The following FSCN2 variants were observed in gnomAD, a reference collection of about 807,000 sequenced individuals.
The protein encoded by FSCN2 is fascin actin-bundling protein 2, retinal, also known as fascin-2.
FSCN2 carries 46 observed loss-of-function variants against 37.8 expected under a neutral mutation model. That is an observed-to-expected ratio of 1.22 (90% CI 0.96 to 1.56). FSCN2 has a LOEUF of 1.56. Among genes scored for constraint, FSCN2 ranks in the 40% most tolerant of loss-of-function variants. FSCN2 has a pLI of 0.00. For synonymous variants in FSCN2, 351 were observed against 309.4 expected (o/e 1.13, Z -1.41); for missense variants, 844 against 730.4 (o/e 1.16, Z -1.79).
Position 81,528,871 on chromosome 17 carries a change from A to G in FSCN2, c.340A>G (p.Thr114Ala), listed in dbSNP as rs202158770. 8.9e-4 allele frequency: 1,391 copies of G among 1,564,620 alleles called. 4 individuals are homozygous for G. Among genetic ancestry groups the G allele is most frequent in the Middle Eastern group, 3.0e-3 (17 of 5,620 alleles). ...SEPHGRFFGG[T>A]EDQLSCFATA... Reference sequence around the variant, plus strand: ...GCCGCACGGCCGCTTCTTCGGAGGCACCGAGGACCAGCTGTCCTGCTTCGC... The same window carrying G: ...GCCGCACGGCCGCTTCTTCGGAGGCGCCGAGGACCAGCTGTCCTGCTTCGC... Residue 114 changes from threonine (T) to alanine (A), a missense_variant, in exon 1 of 5, where the codon ACC becomes GCC. Transcript: ENST00000417245.
At chr17:81,516,960 G>A in the FSCN2 span, among the ~76,000 whole-genome samples, 421 of 152,270 alleles carry the variant, frequency 2.8e-3, 3 homozygotes, top group African/African-American at 0.01. Context: ...ACCACTGGAG[G>A]AGAGTCCCAG....
chr17:81,533,117 G>A (rs1337940296), intron 1 of FSCN2, among the ~76,000 whole-genome samples: 4 of 152,214 alleles, frequency 2.6e-5, no homozygotes, highest in South Asian at 2.1e-4. Flanking sequence ...ACCCCTACCC[G>A]GCCTCTGTGG....
At chr17:81,535,668 C>T (rs373809796) in intron 2 of FSCN2, among the ~76,000 whole-genome samples, 3 of 5,620 alleles carry the variant, frequency 5.3e-4, no homozygotes, top group Non-Finnish European at 1.0e-3. Flanking sequence ...CATCTCCATC[C>T]CCACCATCCC....
intron 2 of FSCN2, among the ~76,000 whole-genome samples, chr17:81,535,545 C>T (rs1347383859): frequency 8.1e-6 from 1 of 123,276 alleles, no homozygotes. Context: ...CATCACCATC[C>T]CCATCTCCAT....
At chr17:81,519,512 C>T in the FSCN2 span, among the ~76,000 whole-genome samples, 2 of 152,196 alleles carry the variant, frequency 1.3e-5, no homozygotes, top group African/African-American at 4.8e-5. Flanking sequence ...TCGTTCCCAC[C>T]TGGGCCGCCA....
At chr17:81,523,289 A>T in the FSCN2 span, among the ~76,000 whole-genome samples, 3 of 152,150 alleles carry the variant, frequency 2.0e-5, no homozygotes, top group African/African-American at 7.2e-5. Context: ...CAAGCTCTTC[A>T]TTCCAACCCT....
chr17:81,535,154 G>A lies in FSCN2; in HGVS notation c.929G>A (p.Gly310Glu), dbSNP rs1249987187. The A allele has an allele frequency of 3.3e-6, 5 of 1,533,880 alleles. No individual in the cohort carries two copies. Among genetic ancestry groups the A allele is most frequent in the East Asian group, 4.9e-5 (2 of 40,750 alleles). ...TKKCTFYSST[G>E]GYWTLVTHGG... ...AAGTGCACCTTCTATTCCAGCACTG[G>A]GGGCTACTGGACCCTGGTCACCCAT... The change falls in exon 2 of 5, where the codon GGG (glycine) becomes GAG (glutamate). Residue 310 changes from glycine (G) to glutamate (E), a missense_variant. By Grantham distance (98) the Gly-to-Glu change is moderately conservative. Transcript: ENST00000417245.
intron 1 of FSCN2, among the ~76,000 whole-genome samples, chr17:81,532,941 G>A (rs1048762950): frequency 2.0e-5 from 3 of 152,126 alleles, no homozygotes; most frequent in African/African-American, 7.2e-5. Flanking sequence ...GCAGCCACTC[G>A]CCTCCCTGCC....
chr17:81,522,749 G>T, the FSCN2 span, among the ~76,000 whole-genome samples: 1 of 152,230 alleles, frequency 6.6e-6, no homozygotes. Flanking sequence ...GTCCATGTCT[G>T]TGGTGTGCCC....
intron 1 of FSCN2, among the ~76,000 whole-genome samples, chr17:81,532,471 T>C: frequency 6.8e-6 from 1 of 147,734 alleles, no homozygotes. Flanking sequence ...GTGATGGTGG[T>C]GGTGGTGATG....
chr17:81,528,580 G>A lies in FSCN2; in HGVS notation c.49G>A (p.Val17Ile), dbSNP rs137853900. 5,390 of 1,608,570 alleles carry A rather than the reference G, an allele frequency of 3.4e-3. 13 individuals carry two copies. Among genetic ancestry groups the A allele is most frequent in the Non-Finnish European group, 4.0e-3 (4,732 of 1,177,892 alleles). The change falls in exon 1 of 5, where the codon GTC (valine) becomes ATC (isoleucine). Residue 17 changes from valine (V) to isoleucine (I), a missense_variant. Physicochemically the swap from Val to Ile is conservative, Grantham distance 29. Coordinates refer to ENST00000417245, the MANE Select transcript of FSCN2 (RefSeq NM_012418.4). The stretch of plus-strand genomic sequence containing the variant: ...GGTGCTGAAGATCCAGTTTGGCCTC[G>A]TCAACGACACTGACCGCTACCTGAC... ...HQVLKIQFGL[V>I]NDTDRYLTAE...
At chr17:81,515,416 T>C in the FSCN2 span, among the ~76,000 whole-genome samples, 1 of 152,216 alleles carries the variant, frequency 6.6e-6, no homozygotes, top group Non-Finnish European at 1.5e-5. Flanking sequence ...GGTGGGTGTG[T>C]CCTTCACATT....
At chr17:81,522,362 CT>C in the FSCN2 span, among the ~76,000 whole-genome samples, 4 of 152,172 alleles carry the variant, frequency 2.6e-5, no homozygotes, top group African/African-American at 9.7e-5. Flanking sequence ...GGCAATGAGA[CT>C]TTTTTAGAAA....
At chr17:81,522,165 C>G in the FSCN2 span, among the ~76,000 whole-genome samples, 1 of 152,132 alleles carries the variant, frequency 6.6e-6, no homozygotes, top group African/African-American at 2.4e-5. Context: ...GACCACCACA[C>G]CCAGCTATTT....
intron 1 of FSCN2, chr17:81,530,693 ACACTCTGGGGCCAGATGGCAGAGGCCC>A (rs1555671138): frequency 2.1e-6 from 1 of 476,836 alleles, no homozygotes; most frequent in East Asian, 6.2e-5. Flanking sequence ...GGGTACACTG[ACACTCTGGGGCCAGATGGCAGAGGCCC>A]CACCCTGTGC....
rs1555670680 is a variant in FSCN2, at chr17:81,528,950, A to G, written c.419A>G (p.Gln140Arg). The G allele has an allele frequency of 1.9e-6, 3 of 1,590,644 alleles. No homozygotes were observed. Among genetic ancestry groups the G allele is most frequent in the Non-Finnish European group, 1.7e-6 (2 of 1,172,620 alleles). The part of the protein sequence containing the change: ...LWTVHLAIHP[Q>R]AHLLSVSRRR... ...ACCGTGCACCTGGCCATCCACCCGC[A>G]GGCCCACCTGCTGAGCGTGAGCCGG... The change falls in exon 1 of 5, where the codon CAG (glutamine) becomes CGG (arginine). Residue 140 changes from glutamine (Q) to arginine (R), a missense_variant. Coordinates refer to ENST00000417245, the MANE Select transcript of FSCN2 (RefSeq NM_012418.4).
chr17:81,528,976 C>T lies in FSCN2; in HGVS notation c.445C>T (p.Arg149Trp), dbSNP rs782586128. ...PQAHLLSVSR[R>W]RYVHLCPRED... ...GGCCCACCTGCTGAGCGTGAGCCGG[C>T]GGCGCTACGTGCACCTGTGCCCGCG... Residue 149 changes from arginine (R) to tryptophan (W), a missense_variant, in exon 1 of 5, where the codon CGG becomes TGG. Coordinates refer to ENST00000417245, the MANE Select transcript of FSCN2 (RefSeq NM_012418.4). 2.4e-5 allele frequency: 38 copies of T among 1,586,020 alleles called. No homozygotes were observed. Among genetic ancestry groups the T allele is most frequent in the Admixed American group, 1.7e-4 (10 of 57,718 alleles).
intron 1 of FSCN2, among the ~76,000 whole-genome samples, 166 bp from the exon 2 acceptor site, chr17:81,534,886 G>A (rs1044334756): frequency 9.2e-5 from 14 of 151,720 alleles, no homozygotes; most frequent in African/African-American, 3.4e-4. Context: ...ATGGCCCTGG[G>A]GCAGGGTTCC....
chr17:81,536,003 C>T (rs372813558), intron 2 of FSCN2, 143 bp from the exon 3 acceptor site: 4 of 1,004,298 alleles, frequency 4.0e-6, no homozygotes, highest in Non-Finnish European at 5.8e-6. Context: ...CCCACTGGGG[C>T]AGGGTAGCGC....
Sources: allele counts gnomAD v4.1 joint callset (sites outside exome capture counted in the v4.1 genomes callset), GRCh38; gene constraint gnomAD v4.1.1; transcripts MANE v1.5; gene names NCBI Gene and HGNC (gene_info 2026-07-23, HGNC 2026-07-21).